The following SNRPD3 variants were observed in gnomAD, a reference collection of about 807,000 sequenced individuals.
The protein encoded by SNRPD3 is small nuclear ribonucleoprotein D3 polypeptide, also known as small nuclear ribonucleoprotein Sm D3.
For missense variants in SNRPD3, 73 were observed against 167.5 expected (o/e 0.44, Z 3.11); for synonymous variants, 66 against 58.4 (o/e 1.13, Z -0.59).
intron 2 of SNRPD3, among the ~76,000 whole-genome samples, chr22:24,564,884 A>ATTTTTT (rs1208151174): frequency 7.0e-6 from 1 of 143,730 alleles, no homozygotes; most frequent in African/African-American, 2.6e-5. Flanking sequence ...TGCCTTGTTC[A>ATTTTTT]TTTTTTTTTT....
chr22:24,556,595 CAGTTTTAACTGTTGCAGA>C (rs1204080217), intron 1 of SNRPD3, among the ~76,000 whole-genome samples: 1 of 152,232 alleles, frequency 6.6e-6, no homozygotes, highest in East Asian at 1.9e-4. Context: ...ACTGTTGCAG[CAGTTTTAACTGTTGCAGA>C]AGTTTTAACA....
At chr22:24,567,499 C>A (rs937837265) in intron 2 of SNRPD3, among the ~76,000 whole-genome samples, 1 of 152,132 alleles carries the variant, frequency 6.6e-6, no homozygotes, top group Non-Finnish European at 1.5e-5. Context: ...GTAATCCCAA[C>A]ACTTTGGGAG....
upstream of SNRPD3, chr22:24,555,687 C>G (rs1416946141): frequency 6.4e-7 from 1 of 1,550,658 alleles, no homozygotes; most frequent in Non-Finnish European, 8.7e-7. Flanking sequence ...CCTGCTGTCC[C>G]CGGTCTGAGG....
chr22:24,557,603 A>G (rs5760472), intron 1 of SNRPD3, 54 bp from the exon 2 acceptor site: 1,314,525 of 1,337,424 alleles, frequency 0.98, 647,104 homozygotes, highest in Non-Finnish European at 1. Context: ...GATGTGTGCC[A>G]CATGCCTTTT....
intron 3 of SNRPD3, among the ~76,000 whole-genome samples, chr22:24,569,813 G>A (rs1042392461): frequency 6.6e-6 from 1 of 152,206 alleles, no homozygotes; most frequent in Non-Finnish European, 1.5e-5. Flanking sequence ...TATTTTATAG[G>A]CTACAAATAA....
At chr22:24,565,762 G>A (rs1274592401) in intron 2 of SNRPD3, among the ~76,000 whole-genome samples, 2 of 152,172 alleles carry the variant, frequency 1.3e-5, no homozygotes, top group African/African-American at 4.8e-5. Flanking sequence ...CCGGGTTCAA[G>A]TGATTCTCCT....
At chr22:24,570,369 G>GA (rs1277330937) in intron 3 of SNRPD3, among the ~76,000 whole-genome samples, 1 of 152,194 alleles carries the variant, frequency 6.6e-6, no homozygotes, top group Non-Finnish European at 1.5e-5. Flanking sequence ...AACCATAGAT[G>GA]AAAGCTCAAG....
At chr22:24,561,704 G>C (rs1179566353) in intron 2 of SNRPD3, among the ~76,000 whole-genome samples, 1 of 152,234 alleles carries the variant, frequency 6.6e-6, no homozygotes, top group Non-Finnish European at 1.5e-5. Context: ...AACATTTTCT[G>C]TTATAAAAGT....
At chr22:24,556,563 A>G (rs2045070461) in intron 1 of SNRPD3, among the ~76,000 whole-genome samples, 1 of 152,142 alleles carries the variant, frequency 6.6e-6, no homozygotes, top group South Asian at 2.1e-4. Flanking sequence ...CTTTCAGGCA[A>G]TGGTCCCCTC....
In SNRPD3 at chr22:24,574,091, T is replaced by C. The variant is rs2045270007; in HGVS notation, c.*2114T>C. On this transcript the variant is annotated 3_prime_UTR_variant, in exon 4 of 4. Transcript: ENST00000215829. ...GTACTAGTATGTTATTTTAGTATAA[T>C]CATTACTGAATTCATCATACTTTTA... is the stretch of plus-strand genomic sequence containing the variant. Among the ~76,000 whole-genome samples, 1 of 152,210 alleles carries C rather than the reference T, an allele frequency of 6.6e-6. No individual in the cohort carries two copies. Among genetic ancestry groups the C allele is most frequent in the Admixed American group, 6.5e-5 (1 of 15,284 alleles).
rs190204065 is a variant in SNRPD3, at chr22:24,574,568, G to A, written c.*2591G>A. On this transcript the variant is annotated 3_prime_UTR_variant, in exon 4 of 4. Coordinates refer to ENST00000215829, the MANE Select transcript of SNRPD3 (RefSeq NM_004175.5). ...GTTTTTTGTTTGCTTGTTTTAAGACGGTCTCACTCTTCCCCAGGCGGGAGT... is the reference window on the plus strand; with the variant it reads ...GTTTTTTGTTTGCTTGTTTTAAGACAGTCTCACTCTTCCCCAGGCGGGAGT... 1.6e-4 allele frequency among the ~76,000 whole-genome samples: 24 copies of A among 152,004 alleles called. No individual in the cohort carries two copies. Among genetic ancestry groups the A allele is most frequent in the African/African-American group, 4.3e-4 (18 of 41,450 alleles).
At chr22:24,555,703 A>G, upstream of SNRPD3, 2 of 1,550,676 alleles carry the variant, frequency 1.3e-6, no homozygotes, top group Non-Finnish European at 1.7e-6. Context: ...TGAGGGCCCA[A>G]GCCCCGCGTC....
At chr22:24,563,376 C>T (rs139623403) in intron 2 of SNRPD3, among the ~76,000 whole-genome samples, 2 of 151,300 alleles carry the variant, frequency 1.3e-5, no homozygotes, top group African/African-American at 4.9e-5. Flanking sequence ...TGAAATGGTG[C>T]TTATCGGGTC....
chr22:24,568,245 T>G, intron 3 of SNRPD3, 69 bp downstream of exon 3: 1 of 1,219,806 alleles, frequency 8.2e-7, no homozygotes, highest in Non-Finnish European at 1.2e-6. Flanking sequence ...GGGGCCCTAT[T>G]ACTGCCTGGA....
Position 24,574,299 on chromosome 22 carries a change from G to A in SNRPD3, c.*2322G>A, listed in dbSNP as rs924876450. On this transcript the variant is annotated 3_prime_UTR_variant, in exon 4 of 4. Transcript: ENST00000215829. Reference sequence around the variant, plus strand: ...CTACCTAGATCTGAAAAGTGAAGGGGGATCAACCTAAAATATGTAGCTTTG... The same window carrying A: ...CTACCTAGATCTGAAAAGTGAAGGGAGATCAACCTAAAATATGTAGCTTTG... Among the ~76,000 whole-genome samples, 4 of 152,144 alleles carry A rather than the reference G, an allele frequency of 2.6e-5. No homozygotes were observed. The highest frequency in any genetic ancestry group is 1.9e-4 in the East Asian group (1 of 5,204).
At chr22:24,567,636 C>G (rs1383002504) in intron 2 of SNRPD3, among the ~76,000 whole-genome samples, 1 of 152,096 alleles carries the variant, frequency 6.6e-6, no homozygotes, top group African/African-American at 2.4e-5. Flanking sequence ...ATCCCAGCTA[C>G]TCAGGAGGCT....
At chr22:24,569,151 T>C (rs1601571173) in intron 3 of SNRPD3, among the ~76,000 whole-genome samples, 1 of 152,168 alleles carries the variant, frequency 6.6e-6, no homozygotes. Context: ...GTCTTATGGA[T>C]GGACACCAGC....
At chr22:24,568,963 C>A (rs2045223382) in intron 3 of SNRPD3, among the ~76,000 whole-genome samples, 1 of 152,224 alleles carries the variant, frequency 6.6e-6, no homozygotes, top group Non-Finnish European at 1.5e-5. Context: ...CCTGCCTCGG[C>A]CCCCTGAAAT....
chr22:24,568,619 G>A (rs945027470), intron 3 of SNRPD3, among the ~76,000 whole-genome samples: 9 of 151,640 alleles, frequency 5.9e-5, no homozygotes, highest in East Asian at 5.8e-4. Context: ...GTGCAGTGGC[G>A]TGATCTCGGC....
Sources: gnomAD v4.1 joint callset for allele counts (sites outside exome capture counted in the v4.1 genomes callset) on GRCh38, gnomAD v4.1.1 for gene constraint, MANE v1.5 for transcripts, NCBI Gene and HGNC (gene_info 2026-07-23, HGNC 2026-07-21) for gene names.